The following LMBRD1 variants were observed in gnomAD, a reference collection of about 807,000 sequenced individuals.
The protein encoded by LMBRD1 is LMBR1 domain containing 1.
A neutral mutation model predicts 74.8 loss-of-function variants in LMBRD1; 64 were observed. The observed-to-expected ratio is 0.86, with a 90% confidence interval of 0.70 to 1.05. LMBRD1 has a LOEUF of 1.05. Ranked by LOEUF, LMBRD1 falls within the 50% of genes least tolerant of loss-of-function variation. LMBRD1 has a pLI of 0.00. For synonymous variants in LMBRD1, 204 were observed against 216.3 expected, an observed-to-expected ratio of 0.94 and a Z score of 0.50; for missense variants, 652 against 645.9, an observed-to-expected ratio of 1.01 and a Z score of -0.10.
intron 14 of LMBRD1, among the ~76,000 whole-genome samples, chr6:69,679,240 A>G (rs997755823): frequency 1.3e-5 from 2 of 152,124 alleles, no homozygotes; most frequent in African/African-American, 4.8e-5. Flanking sequence ...AGAAAACCAG[A>G]AAGCCTTTAA....
intron 14 of LMBRD1, among the ~76,000 whole-genome samples, chr6:69,678,524 T>C (rs905991776): frequency 3.9e-5 from 6 of 152,184 alleles, no homozygotes; most frequent in African/African-American, 1.4e-4. Context: ...AAATTATATA[T>C]GCTGCATCTA....
chr6:69,680,371 G>A (rs998140699), intron 14 of LMBRD1, among the ~76,000 whole-genome samples: 6 of 152,042 alleles, frequency 3.9e-5, no homozygotes, highest in African/African-American at 1.4e-4. Context: ...TATTTTGGGA[G>A]TCAGAACTTG....
chr6:69,720,209 G>A (rs1158056150), intron 7 of LMBRD1, among the ~76,000 whole-genome samples: 2 of 151,706 alleles, frequency 1.3e-5, no homozygotes, highest in Non-Finnish European at 2.9e-5. Context: ...CAAAAAACAT[G>A]AATAAAAATT....
chr6:69,752,998 C>T (rs1272515718), intron 3 of LMBRD1, among the ~76,000 whole-genome samples: 3 of 152,178 alleles, frequency 2.0e-5, no homozygotes, highest in Non-Finnish European at 4.4e-5. Flanking sequence ...CAGCTATGAA[C>T]ATGCAAGGAC....
At chr6:69,774,921 C>T (rs998636262) in intron 3 of LMBRD1, among the ~76,000 whole-genome samples, 1 of 139,740 alleles carries the variant, frequency 7.2e-6, no homozygotes, top group Non-Finnish European at 1.5e-5. Context: ...ATCACGCCAC[C>T]GCACTCCTGC....
rs757392138 is a variant in LMBRD1 at position 69,713,663 on chromosome 6, G to A, written c.897C>T (p.Gly299=). Residue 299 remains glycine (G), a synonymous_variant, in exon 9 of 16, where the codon GGC becomes GGT. Transcript: ENST00000649934. The part of the protein sequence containing the change: ...IENSWWTKFC[G]ALRPLKIVWG... ...CATTTACCTTCAGGGGACGCAGAGC[G>A]CCACAAAATTTTGTCCACCAGCTGT... 6.8e-6 allele frequency: 11 copies of A among 1,613,294 alleles called. No individual in the cohort carries two copies. The highest frequency in any genetic ancestry group is 4.0e-5 in the African/African-American group (3 of 74,856).
intron 6 of LMBRD1, among the ~76,000 whole-genome samples, chr6:69,739,511 G>T (rs1249387839): frequency 2.7e-5 from 4 of 148,830 alleles, no homozygotes; most frequent in Non-Finnish European, 4.4e-5. Flanking sequence ...TAATACAAAT[G>T]AATTTCACAA....
chr6:69,739,581 G>C (rs920974652), intron 6 of LMBRD1, among the ~76,000 whole-genome samples: 1 of 152,058 alleles, frequency 6.6e-6, no homozygotes, highest in Non-Finnish European at 1.5e-5. Flanking sequence ...AATGGAATCA[G>C]AATTCTACTT....
intron 9 of LMBRD1, among the ~76,000 whole-genome samples, chr6:69,703,686 C>T (rs992572136): frequency 1.3e-5 from 2 of 151,874 alleles, no homozygotes; most frequent in Non-Finnish European, 2.9e-5. Flanking sequence ...ATTGGGTTGA[C>T]CTAAAAGCTA....
chr6:69,725,478 T>A (rs542850577), intron 7 of LMBRD1, among the ~76,000 whole-genome samples: 1 of 152,076 alleles, frequency 6.6e-6, no homozygotes, highest in Middle Eastern at 3.4e-3. Flanking sequence ...TACCTGACTT[T>A]AAATTCTATT....
intron 7 of LMBRD1, among the ~76,000 whole-genome samples, chr6:69,720,461 T>C (rs1319136062): frequency 1.3e-5 from 2 of 152,236 alleles, no homozygotes; most frequent in African/African-American, 4.8e-5. Flanking sequence ...GAAAATGTAA[T>C]TTGGATACCA....
At chr6:69,768,955 A>G (rs886197439) in intron 3 of LMBRD1, among the ~76,000 whole-genome samples, 2 of 151,888 alleles carry the variant, frequency 1.3e-5, no homozygotes, top group Non-Finnish European at 2.9e-5. Context: ...GGCTGCTTTT[A>G]AATTTTTGTC....
intron 8 of LMBRD1, among the ~76,000 whole-genome samples, chr6:69,716,687 A>G (rs1766497585): frequency 6.6e-6 from 1 of 152,010 alleles, no homozygotes; most frequent in African/African-American, 2.4e-5. Context: ...ATTGCACATT[A>G]CAAGATGGTA....
At chr6:69,750,179 A>G (rs1765094799) in intron 4 of LMBRD1, among the ~76,000 whole-genome samples, 1 of 150,436 alleles carries the variant, frequency 6.6e-6, no homozygotes, top group Non-Finnish European at 1.5e-5. Context: ...TATCTTATAC[A>G]TATATAACAT....
At chr6:69,769,210 C>CAGAG (rs1765529741) in intron 3 of LMBRD1, among the ~76,000 whole-genome samples, 3 of 152,152 alleles carry the variant, frequency 2.0e-5, no homozygotes, top group Non-Finnish European at 4.4e-5. Flanking sequence ...AATCTTTCCT[C>CAGAG]TCTGATCTTC....
chr6:69,767,625 A>C (rs13214792), intron 3 of LMBRD1, among the ~76,000 whole-genome samples: 7,740 of 151,952 alleles, frequency 0.051, 242 homozygotes, highest in Middle Eastern at 0.071. Context: ...CATATAGTCT[A>C]TACTGAAGAA....
chr6:69,739,780 C>T (rs1269475771), intron 6 of LMBRD1, among the ~76,000 whole-genome samples: 2 of 150,164 alleles, frequency 1.3e-5, no homozygotes, highest in Non-Finnish European at 3.0e-5. Context: ...ATAAGATCTA[C>T]ACATTTTACT....
intron 7 of LMBRD1, among the ~76,000 whole-genome samples, chr6:69,728,587 A>G (rs1470165409): frequency 1.3e-5 from 2 of 152,144 alleles, no homozygotes; most frequent in Non-Finnish European, 2.9e-5. Flanking sequence ...ACTGTTTCCC[A>G]AGGAACCTTT....
At chr6:69,762,536 AT>A (rs1196837393) in intron 3 of LMBRD1, among the ~76,000 whole-genome samples, 1 of 152,080 alleles carries the variant, frequency 6.6e-6, no homozygotes, top group African/African-American at 2.4e-5. Context: ...GCATTCAAAG[AT>A]TCTAGTTTCT....
Sources: allele counts gnomAD v4.1 joint callset (sites outside exome capture counted in the v4.1 genomes callset), GRCh38; gene constraint gnomAD v4.1.1; transcripts MANE v1.5; gene names NCBI Gene and HGNC (gene_info 2026-07-23, HGNC 2026-07-21).